GLCCI1: variants seen among roughly 807,000 people sequenced by gnomAD.
GLCCI1 encodes glucocorticoid induced 1, also known as glucocorticoid-induced transcript 1 protein.
Under a neutral mutation model 52.2 loss-of-function variants are expected in GLCCI1, and 24 were observed. That is an observed-to-expected ratio of 0.46 (90% CI 0.33 to 0.65). The LOEUF (loss-of-function observed/expected upper bound fraction) is 0.65, where lower values mean the gene tolerates loss of function less well. GLCCI1 is among the 30% of genes least tolerant of loss of function. The pLI is 0.02. For missense variants in GLCCI1, 704 were observed against 701.5 expected (o/e 1.00, Z -0.04); for synonymous variants, 310 against 276.5 (o/e 1.12, Z -1.20).
chr7:8,021,893 T>C (rs1373057328), intron 2 of GLCCI1, among the ~76,000 whole-genome samples: 2 of 152,234 alleles, frequency 1.3e-5, no homozygotes, highest in African/African-American at 2.4e-5. Flanking sequence ...TGTATTACTT[T>C]AGTTTATATT....
intron 6 of GLCCI1, among the ~76,000 whole-genome samples, chr7:8,075,145 A>G (rs1042690618): frequency 1.3e-5 from 2 of 152,346 alleles, no homozygotes; most frequent in African/African-American, 2.4e-5. Context: ...TGTATTATCA[A>G]TGTGCATCGC....
chr7:8,025,691 A>G (rs1180717400), intron 3 of GLCCI1, among the ~76,000 whole-genome samples: 1 of 152,212 alleles, frequency 6.6e-6, no homozygotes, highest in Non-Finnish European at 1.5e-5. Flanking sequence ...CTAGGAAAAC[A>G]CAAAGAGAGC....
At chr7:8,042,244 T>C (rs115146588) in intron 3 of GLCCI1, among the ~76,000 whole-genome samples, 2 of 152,322 alleles carry the variant, frequency 1.3e-5, no homozygotes, top group Non-Finnish European at 2.9e-5. Context: ...CAATTCTTAT[T>C]ATTTAAGAAG....
chr7:8,032,743 G>T (rs1781782533), intron 3 of GLCCI1, among the ~76,000 whole-genome samples: 1 of 151,936 alleles, frequency 6.6e-6, no homozygotes, highest in South Asian at 2.1e-4. Context: ...CTTATAAAAA[G>T]TAAAGAAGCT....
Position 8,088,485 on chromosome 7 carries a change from A to G in GLCCI1, c.*1947A>G, listed in dbSNP as rs938117378. 2 of 152,572 alleles carry G rather than the reference A, an allele frequency of 1.3e-5. No homozygotes were observed. The highest frequency in any genetic ancestry group is 4.8e-5 in the African/African-American group (2 of 41,430). The allele number at this position is 152,572 out of a possible 1,614,324, so 9.5% of individuals were successfully genotyped here. Reference sequence around the variant, plus strand: ...TTCAGCAGCAGATACCTTTAACCCTAATAATCTCAGGCCTTGATGAAAATA... The same window carrying G: ...TTCAGCAGCAGATACCTTTAACCCTGATAATCTCAGGCCTTGATGAAAATA... On this transcript the variant is annotated 3_prime_UTR_variant, in exon 8 of 8. Coordinates refer to ENST00000223145, the MANE Select transcript of GLCCI1 (RefSeq NM_138426.4).
chr7:8,016,075 C>G (rs1251510240), intron 2 of GLCCI1, among the ~76,000 whole-genome samples: 1 of 152,194 alleles, frequency 6.6e-6, no homozygotes, highest in East Asian at 1.9e-4. Context: ...TGGTTCTCAA[C>G]CTGTTATATC....
intron 6 of GLCCI1, among the ~76,000 whole-genome samples, chr7:8,076,558 G>A (rs538221762): frequency 2.0e-5 from 3 of 152,226 alleles, no homozygotes; most frequent in East Asian, 3.9e-4. Context: ...TTCTGAAAAT[G>A]TTAACAATTT....
intron 1 of GLCCI1, 100 bp from the exon 2 acceptor site, chr7:8,003,808 G>A: frequency 9.5e-7 from 1 of 1,056,098 alleles, no homozygotes; most frequent in South Asian, 1.6e-5. Flanking sequence ...ATATATCACA[G>A]GAAAAATTGA....
At chr7:8,017,826 T>G (rs1781409456) in intron 2 of GLCCI1, among the ~76,000 whole-genome samples, 1 of 152,160 alleles carries the variant, frequency 6.6e-6, no homozygotes, top group African/African-American at 2.4e-5. Flanking sequence ...TTACCACTCT[T>G]CCCAGAAAGG....
chr7:8,028,143 C>T (rs570821301), intron 3 of GLCCI1, among the ~76,000 whole-genome samples: 8 of 152,288 alleles, frequency 5.3e-5, no homozygotes, highest in Non-Finnish European at 1.0e-4. Flanking sequence ...TTTCATCCAA[C>T]AGCCTCAGAA....
chr7:8,006,456 T>C (rs1224356212), intron 2 of GLCCI1, among the ~76,000 whole-genome samples: 3 of 152,216 alleles, frequency 2.0e-5, no homozygotes, highest in Non-Finnish European at 4.4e-5. Context: ...GTGGGGTTAA[T>C]AAAACCTAAC....
chr7:8,066,906 C>T (rs1045145914), intron 5 of GLCCI1, among the ~76,000 whole-genome samples: 2 of 152,192 alleles, frequency 1.3e-5, no homozygotes, highest in African/African-American at 4.8e-5. Context: ...TTCATTTGGT[C>T]AAGTGTTGAG....
At chr7:8,009,038 A>C (rs901010356) in intron 2 of GLCCI1, among the ~76,000 whole-genome samples, 28 of 152,194 alleles carry the variant, frequency 1.8e-4, no homozygotes, top group African/African-American at 6.5e-4. Flanking sequence ...CCCGATTTGC[A>C]CATTCACACG....
At chr7:7,987,927 A>G (rs1028586232) in intron 1 of GLCCI1, among the ~76,000 whole-genome samples, 7 of 152,080 alleles carry the variant, frequency 4.6e-5, no homozygotes, top group Admixed American at 3.3e-4. Flanking sequence ...CTTGAAACTC[A>G]CTATCTTTGT....
rs1482306948 is a variant in GLCCI1, at chr7:8,058,042, A to G, written c.814-2054A>G. 2.6e-5 allele frequency among the ~76,000 whole-genome samples: 4 copies of G among 152,142 alleles called. No individual in the cohort carries two copies. In the East Asian group the frequency reaches 7.7e-4, roughly 29 times the overall value. On this transcript the variant is annotated intron_variant, in intron 4 of 7. Coordinates refer to ENST00000223145, the MANE Select transcript of GLCCI1 (RefSeq NM_138426.4). ...CTGGATTATGTGTACCTGGGGGTTT[A>G]TTGTGTTACTCTGTTGAATTATGTT...
Position 8,086,476 on chromosome 7 carries a change from C to G in GLCCI1, c.1582C>G (p.Gln528Glu). 1 of 1,614,116 alleles carries G rather than the reference C, an allele frequency of 6.2e-7. No individual in the cohort carries two copies. ...ASVQQPSQQQ[Q>E]LLQELQGEDH... ...TGTCCAGCAGCCATCCCAGCAGCAG[C>G]AGCTCCTGCAGGAACTGCAGGGTGA... The change falls in exon 8 of 8, where the codon CAG (glutamine) becomes GAG (glutamate). Residue 528 changes from glutamine (Q) to glutamate (E), a missense_variant. By Grantham distance (29) the Gln-to-Glu change is conservative (BLOSUM62 2). This residue lies in a region of GLCCI1 where 149 missense variants were observed against 152.9 expected (regional missense o/e 0.97). Transcript: ENST00000223145. This position sits in a 1 kb window ranked among gnomAD's most constrained non-coding sequence, Gnocchi z 4.4.
chr7:8,056,925 G>T (rs139264829), intron 4 of GLCCI1, among the ~76,000 whole-genome samples: 1 of 151,948 alleles, frequency 6.6e-6, no homozygotes, highest in Non-Finnish European at 1.5e-5. Flanking sequence ...CTAGAAACAG[G>T]GCAGTAAGAT....
chr7:8,085,115 G>A (rs919625608), intron 7 of GLCCI1, 98 bp downstream of exon 7: 45 of 1,382,832 alleles, frequency 3.3e-5, no homozygotes, highest in Non-Finnish European at 4.2e-5. Flanking sequence ...CTATCCAGCT[G>A]ATAATGTGTT....
intron 2 of GLCCI1, among the ~76,000 whole-genome samples, chr7:8,018,705 A>G (rs1010961990): frequency 1.3e-5 from 2 of 151,958 alleles, no homozygotes; most frequent in Non-Finnish European, 2.9e-5. Context: ...TTTTTTTCCA[A>G]CTACCTTTTT....
Sources: gnomAD v4.1 joint callset for allele counts (sites outside exome capture counted in the v4.1 genomes callset) on GRCh38, gnomAD v4.1.1 for gene constraint, gnomAD v4.1.1 regional missense constraint, Gnocchi (gnomAD v3.1) non-coding constraint, MANE v1.5 for transcripts, NCBI Gene and HGNC (gene_info 2026-07-23, HGNC 2026-07-21) for gene names.